Variants in CUL4A observed in about 807,000 individuals in gnomAD.
CUL4A encodes the protein cullin 4A.
Under a neutral mutation model 95.5 loss-of-function variants are expected in CUL4A, and 16 were observed. The ratio of observed to expected loss-of-function variants is 0.17; its 90% CI spans 0.11 to 0.25. The LOEUF (loss-of-function observed/expected upper bound fraction) is 0.25. CUL4A is among the 10% of genes least tolerant of loss of function. The pLI, the probability that CUL4A is intolerant of heterozygous loss-of-function variation, is 1.00. For synonymous variants in CUL4A, 380 were observed against 353.1 expected (o/e 1.08, Z -0.85); for missense variants, 610 against 937.0 (o/e 0.65, Z 4.56).
upstream of CUL4A, chr13:113,208,463 T>C: frequency 6.5e-7 from 1 of 1,527,932 alleles, no homozygotes; most frequent in Non-Finnish European, 8.8e-7. Flanking sequence ...CTCGCGCGGC[T>C]GCCCGCCGGG....
At chr13:113,238,615 T>G (rs1368837386) in intron 9 of CUL4A, among the ~76,000 whole-genome samples, 2 of 152,198 alleles carry the variant, frequency 1.3e-5, no homozygotes, top group Non-Finnish European at 2.9e-5. Context: ...TCTTAAGACA[T>G]GGGTTTTAGT....
chr13:113,254,581 C>T (rs995438969), intron 16 of CUL4A, 112 bp from the exon 17 acceptor site: 11 of 665,576 alleles, frequency 1.7e-5, no homozygotes, highest in African/African-American at 3.7e-5. Flanking sequence ...GGTGACAGAG[C>T]GAGACTCCTT....
chr13:113,208,669 C>T (rs1189544088), upstream of CUL4A: 24 of 1,592,558 alleles, frequency 1.5e-5, no homozygotes, highest in Non-Finnish European at 2.0e-5. Flanking sequence ...CCACCCCCTA[C>T]GCCTCAAGCG....
chr13:113,209,550 C>T (rs1270661160), upstream of CUL4A: 1 of 863,492 alleles, frequency 1.2e-6, no homozygotes, highest in Non-Finnish European at 1.4e-6. Context: ...GGGCGGAGGC[C>T]GCGCGGACCG....
chr13:113,246,167 C>CACT (rs2041851595), intron 15 of CUL4A, 104 bp downstream of exon 15: 1 of 787,610 alleles, frequency 1.3e-6, no homozygotes, highest in Admixed American at 2.6e-5. Flanking sequence ...TTAAAAATAG[C>CACT]CCACTCAGTC....
chr13:113,239,870 C>T (rs956375266), intron 10 of CUL4A, among the ~76,000 whole-genome samples: 2 of 152,196 alleles, frequency 1.3e-5, no homozygotes, highest in Non-Finnish European at 2.9e-5. Context: ...CTAAAGTAAT[C>T]ATTTTTGTAA....
At chr13:113,251,521 TCAC>T (rs1318627737) in intron 15 of CUL4A, among the ~76,000 whole-genome samples, 1 of 142,322 alleles carries the variant, frequency 7.0e-6, no homozygotes, top group Non-Finnish European at 1.5e-5. Context: ...TGAATTGTAA[TCAC>T]CACTGCTGGG....
intron 18 of CUL4A, among the ~76,000 whole-genome samples, chr13:113,255,650 G>C (rs1427051327): frequency 1.3e-5 from 2 of 152,064 alleles, no homozygotes; most frequent in Non-Finnish European, 1.5e-5. Context: ...CGTACAGTTG[G>C]AGTCATAGTG....
intron 2 of CUL4A, among the ~76,000 whole-genome samples, chr13:113,213,587 G>C (rs2040533078): frequency 6.6e-6 from 1 of 152,138 alleles, no homozygotes; most frequent in Non-Finnish European, 1.5e-5. Flanking sequence ...TTGGCTGTCT[G>C]ATATCTGCTG....
intron 18 of CUL4A, among the ~76,000 whole-genome samples, chr13:113,258,388 A>G (rs113495687): frequency 1.2e-4 from 19 of 152,320 alleles, no homozygotes; most frequent in South Asian, 6.2e-4. Flanking sequence ...AAATAAGAAC[A>G]TTGACATTTT....
intron 15 of CUL4A, among the ~76,000 whole-genome samples, chr13:113,249,775 G>A (rs919743487): frequency 3.9e-5 from 6 of 152,096 alleles, no homozygotes; most frequent in South Asian, 2.1e-4. Flanking sequence ...TGCCTCTTTC[G>A]TTGTAGCCAT....
At chr13:113,261,414 A>T (rs1366730104) in intron 19 of CUL4A, among the ~76,000 whole-genome samples, 1 of 152,204 alleles carries the variant, frequency 6.6e-6, no homozygotes, top group African/African-American at 2.4e-5. Flanking sequence ...TGAGCCTCCC[A>T]TTCCATCAAG....
chr13:113,246,632 G>A (rs1422839531), intron 15 of CUL4A, among the ~76,000 whole-genome samples: 2 of 152,204 alleles, frequency 1.3e-5, no homozygotes, highest in African/African-American at 4.8e-5. Context: ...AAGTAAAGAT[G>A]AATGATGATT....
intron 5 of CUL4A, 91 bp from the exon 6 acceptor site, chr13:113,233,086 G>C: frequency 7.6e-7 from 1 of 1,322,300 alleles, no homozygotes; most frequent in Non-Finnish European, 1.0e-6. Context: ...TCACATTTTT[G>C]GGATGATATT....
At chr13:113,245,267 T>G in intron 14 of CUL4A, 30 bp downstream of exon 14, 1 of 1,593,730 alleles carries the variant, frequency 6.3e-7, no homozygotes, top group South Asian at 1.1e-5. Flanking sequence ...TAAAGCGGCT[T>G]TTTAAAAAGT....
chr13:113,235,257 G>T (rs1237419187), intron 8 of CUL4A, 112 bp downstream of exon 8: 7 of 673,608 alleles, frequency 1.0e-5, no homozygotes, highest in Non-Finnish European at 1.8e-5. Context: ...TACTAAGAGT[G>T]TTTTTGCACC....
intron 9 of CUL4A, among the ~76,000 whole-genome samples, chr13:113,237,421 G>T (rs1469888577): frequency 2.0e-5 from 3 of 152,214 alleles, no homozygotes; most frequent in Non-Finnish European, 4.4e-5. Flanking sequence ...CTGACGGCGC[G>T]GCCTTCACGT....
chr13:113,212,319 A>G (rs1409131747), intron 2 of CUL4A, among the ~76,000 whole-genome samples: 1 of 152,228 alleles, frequency 6.6e-6, no homozygotes, highest in Non-Finnish European at 1.5e-5. Flanking sequence ...AGTCACATGT[A>G]TCAGTTTGTT....
intron 19 of CUL4A, among the ~76,000 whole-genome samples, chr13:113,261,062 C>T (rs191793905): frequency 5.3e-5 from 8 of 152,230 alleles, no homozygotes; most frequent in African/African-American, 1.4e-4. Flanking sequence ...ATAGTAGTAG[C>T]GGTCAAGGTT....
Sources: gnomAD v4.1 joint callset for allele counts (sites outside exome capture counted in the v4.1 genomes callset) on GRCh38, gnomAD v4.1.1 for gene constraint, MANE v1.5 for transcripts, NCBI Gene and HGNC (gene_info 2026-07-23, HGNC 2026-07-21) for gene names.